FBN2: variants seen among roughly 807,000 people sequenced by gnomAD.
FBN2 encodes fibrillin-2.
A neutral mutation model predicts 355.6 loss-of-function variants in FBN2; 105 were observed. The observed-to-expected ratio is 0.30, with a 90% CI of 0.25 to 0.35. The LOEUF (loss-of-function observed/expected upper bound fraction) is 0.35, where lower values mean the gene tolerates loss of function less well. FBN2 is among the 10% of genes least tolerant of loss of function. The probability of loss-of-function intolerance (pLI) is 1.00; values close to 1 mark genes in which losing one functional copy is unlikely to be tolerated. For synonymous variants in FBN2, 1,350 were observed against 1,301.2 expected (o/e 1.04, Z -0.81); for missense variants, 3,280 against 3,758.7 (o/e 0.87, Z 3.33).
In FBN2 at chr5:128,278,724, C is replaced by T; in HGVS notation, c.7256G>A (p.Gly2419Asp). 6.2e-7 allele frequency: 1 copy of T among 1,614,142 alleles called. No homozygotes were observed. Among genetic ancestry groups the T allele is most frequent in the South Asian group, 1.1e-5 (1 of 91,082 alleles). The change falls in exon 57 of 65, where the codon GGC becomes GAC. Residue 2419 changes from glycine to aspartate, a missense_variant. Gly to Asp is a moderately conservative substitution (Grantham distance 94, BLOSUM62 -1). Around this residue, in one of 6 missense-constraint regions of FBN2, gnomAD observed 2,284 missense variants for 2,749.5 expected, o/e 0.83. Transcript: ENST00000262464. ...ECCCDGGRGW[G>D]HQCELCPLPG... ...AAGTGGGCAAAGCTCGCACTGGTGG[C>T]CCCAGCCTCGCCCACCATCACAGCA...
At chr5:128,360,376 T>C (rs961683197) in intron 19 of FBN2, among the ~76,000 whole-genome samples, 9 of 152,044 alleles carry the variant, frequency 5.9e-5, no homozygotes, top group African/African-American at 2.2e-4. Context: ...CATAACCTAT[T>C]GAAAGATATT....
At chr5:128,531,596 G>A (rs73346342) in intron 2 of FBN2, among the ~76,000 whole-genome samples, 3,195 of 151,952 alleles carry the variant, frequency 0.021, 121 homozygotes, top group African/African-American at 0.074. Context: ...GTAAGTAAAC[G>A]TTACAGAATG....
chr5:128,280,069 G>T, intron 56 of FBN2, 123 bp downstream of exon 56: 2 of 777,816 alleles, frequency 2.6e-6, no homozygotes, highest in Non-Finnish European at 4.4e-6. Context: ...GAAGAAGCAT[G>T]TGGATTATTG....
chr5:128,396,795 T>C (rs943712133), intron 8 of FBN2, among the ~76,000 whole-genome samples: 1 of 152,224 alleles, frequency 6.6e-6, no homozygotes, highest in African/African-American at 2.4e-5. Context: ...ATCAAGATGC[T>C]TTCAAAGTTG....
intron 40 of FBN2, 59 bp downstream of exon 40, chr5:128,309,924 G>T: frequency 6.4e-7 from 1 of 1,564,128 alleles, no homozygotes; most frequent in African/African-American, 1.4e-5. Context: ...TGAGACGTAA[G>T]TGCTTTATGT....
chr5:128,473,783 C>A (rs534404080), intron 5 of FBN2, among the ~76,000 whole-genome samples: 1 of 152,126 alleles, frequency 6.6e-6, no homozygotes, highest in African/African-American at 2.4e-5. Context: ...TCCATCTAGC[C>A]GTGTTACACC....
intron 55 of FBN2, among the ~76,000 whole-genome samples, chr5:128,281,971 C>T (rs1057454119): frequency 1.3e-5 from 2 of 151,944 alleles, no homozygotes; most frequent in Admixed American, 1.3e-4. Flanking sequence ...ATTACAGGTG[C>T]GAGCCACCGT....
At chr5:128,489,138 T>TC (rs397712791) in intron 5 of FBN2, among the ~76,000 whole-genome samples, 3 of 151,062 alleles carry the variant, frequency 2.0e-5, no homozygotes, top group Admixed American at 2.0e-4. Context: ...GTGTTCCTAT[T>TC]CTCCACATCC....
chr5:128,298,899 G>C (rs1308215771), intron 48 of FBN2, among the ~76,000 whole-genome samples: 1 of 152,204 alleles, frequency 6.6e-6, no homozygotes, highest in East Asian at 1.9e-4. Flanking sequence ...TTCCTTTGGA[G>C]GAGGAGAGGC....
intron 62 of FBN2, among the ~76,000 whole-genome samples, chr5:128,266,697 A>G (rs1219324856): frequency 6.6e-6 from 1 of 152,168 alleles, no homozygotes; most frequent in Non-Finnish European, 1.5e-5. Context: ...CTTAAAAAAA[A>G]TTCTGTTTGA....
At position 128,279,054 on chromosome 5, in the gene FBN2, T is replaced by C. The variant is rs1460669396; in HGVS notation, c.7139-213A>G. ...TTAAATTTGACAAAAAGTGATACTA[T>C]ACTTTAGAAATAGATAGATTTTTTC... is the stretch of plus-strand genomic sequence containing the variant. On this transcript the variant is annotated intron_variant, in intron 56 of 64. Transcript: ENST00000262464. Among the ~76,000 whole-genome samples the C allele has an allele frequency of 2.0e-5, 3 of 152,232 alleles. No homozygotes were observed. The East Asian group carries it at 5.8e-4, about 29-fold the overall frequency.
intron 46 of FBN2, among the ~76,000 whole-genome samples, chr5:128,302,490 C>CA (rs1452683334): frequency 6.6e-6 from 1 of 152,128 alleles, no homozygotes; most frequent in Non-Finnish European, 1.5e-5. Flanking sequence ...ACCTAGTCAC[C>CA]ATTCATTATT....
chr5:128,381,732 T>C (rs1179413465), intron 11 of FBN2, among the ~76,000 whole-genome samples: 1 of 152,108 alleles, frequency 6.6e-6, no homozygotes, highest in Non-Finnish European at 1.5e-5. Context: ...GAGGTATATC[T>C]ATCACTTAAA....
intron 27 of FBN2, among the ~76,000 whole-genome samples, chr5:128,336,491 C>T (rs932748969): frequency 6.6e-6 from 1 of 152,166 alleles, no homozygotes; most frequent in African/African-American, 2.4e-5. Flanking sequence ...TCACATATGC[C>T]AGAACTGAAG....
chr5:128,436,417 C>T (rs1191817962), intron 7 of FBN2, among the ~76,000 whole-genome samples: 1 of 152,138 alleles, frequency 6.6e-6, no homozygotes, highest in Non-Finnish European at 1.5e-5. Context: ...CACATTTTAA[C>T]TGTTGATATA....
chr5:128,489,742 A>G (rs1475227310), intron 5 of FBN2, among the ~76,000 whole-genome samples: 1 of 152,206 alleles, frequency 6.6e-6, no homozygotes. Flanking sequence ...ATTGACCCCT[A>G]AGGAAATAGA....
At chr5:128,262,363 T>C (rs1183689346) in intron 63 of FBN2, among the ~76,000 whole-genome samples, 1 of 152,220 alleles carries the variant, frequency 6.6e-6, no homozygotes, top group Admixed American at 6.5e-5. Flanking sequence ...CCTATAATTC[T>C]TTAACACACA....
rs377742525 is a variant in FBN2, at chr5:128,287,348, C to A, written c.6840G>T (p.Pro2280=). The change falls in exon 54 of 65, where the codon CCG becomes CCT. Residue 2280 remains proline (P), a synonymous_variant. Transcript: ENST00000262464. ...NTFGSYECTC[P]IGYALREDQK... is the part of the protein sequence containing the mutation. ...GATCTTCCCTGAGGGCATAGCCAAT[C>A]GGGCACGTGCATTCATAGGACCCAA... The A allele has an allele frequency of 5.6e-5, 91 of 1,613,834 alleles. 1 individual carries two copies. The East Asian group carries it at 6.0e-4, about 11-fold the overall frequency.
intron 25 of FBN2, 101 bp downstream of exon 25, chr5:128,344,284 A>G (rs1751107117): frequency 8.3e-7 from 1 of 1,202,496 alleles, no homozygotes; most frequent in Non-Finnish European, 1.2e-6. Flanking sequence ...AAAAATTTTC[A>G]TGTTCTCAAT....
Sources: allele counts gnomAD v4.1 joint callset (sites outside exome capture counted in the v4.1 genomes callset), GRCh38; gene constraint gnomAD v4.1.1; regional missense constraint gnomAD v4.1.1; transcripts MANE v1.5; gene names NCBI Gene and HGNC (gene_info 2026-07-23, HGNC 2026-07-21).